The following SRCIN1 variants were observed in gnomAD, a reference collection of about 807,000 sequenced individuals.
The protein encoded by SRCIN1 is P130Cas-associated protein.
A neutral mutation model predicts 116.2 loss-of-function variants in SRCIN1; 50 were observed. That is an observed-to-expected ratio of 0.43 (90% confidence interval 0.34 to 0.54). SRCIN1 has a LOEUF of 0.54. Ranked by LOEUF, SRCIN1 falls within the 20% of genes least tolerant of loss-of-function variation. The pLI is 0.02. For missense variants in SRCIN1, 1,446 were observed against 1,672.0 expected, an observed-to-expected ratio of 0.86 and a Z score of 2.36; for synonymous variants, 736 against 750.0, an observed-to-expected ratio of 0.98 and a Z score of 0.30.
intron 1 of SRCIN1, among the ~76,000 whole-genome samples, chr17:38,588,945 C>T (rs1419234540): frequency 6.6e-6 from 1 of 152,202 alleles, no homozygotes; most frequent in Non-Finnish European, 1.5e-5. Flanking sequence ...GACCTAGTAG[C>T]ACTCAGACAG....
rs559318114 is a variant in SRCIN1 at position 38,585,433 on chromosome 17, G to C, written c.23-6642C>G. Among the ~76,000 whole-genome samples, 1 of 152,334 alleles carries C rather than the reference G, an allele frequency of 6.6e-6. No individual in the cohort carries two copies. Among genetic ancestry groups the C allele is most frequent in the East Asian group, 1.9e-4 (1 of 5,192 alleles). ...GCTGCAGTCGGGAAGCACACGGTGT[G>C]CTTGGAGGTTGGAGGCCAGAGGACA... is the stretch of plus-strand genomic sequence containing the variant. On this transcript the variant is annotated intron_variant, in intron 1 of 18. Transcript: ENST00000617146. The surrounding 1 kb of genome is among the most constrained non-coding windows in gnomAD (Gnocchi z 4.2).
chr17:38,553,230 CT>C (rs1255145188), intron 11 of SRCIN1, among the ~76,000 whole-genome samples: 14 of 152,236 alleles, frequency 9.2e-5, no homozygotes, highest in African/African-American at 3.4e-4. Flanking sequence ...GCACTCTAGC[CT>C]GAGTGACAGA....
rs889935882 is a variant in SRCIN1, at chr17:38,602,050, G to A, written c.22+3634C>T. 3.3e-5 allele frequency among the ~76,000 whole-genome samples: 5 copies of A among 152,218 alleles called. No individual in the cohort carries two copies. The highest frequency in any genetic ancestry group is 1.3e-4 in the Admixed American group (2 of 15,296). The stretch of plus-strand genomic sequence containing the variant: ...GGGCGAAGACTGAGGGCATCCAGGG[G>A]AGTGCTCTGGAGCCCAGGTATCGGG... On this transcript the variant is annotated intron_variant, in intron 1 of 18. Transcript: ENST00000617146. This position sits in a 1 kb window ranked among gnomAD's most constrained non-coding sequence, Gnocchi z 4.2.
chr17:38,594,332 G>A (rs901469965), intron 1 of SRCIN1, among the ~76,000 whole-genome samples: 6 of 152,220 alleles, frequency 3.9e-5, no homozygotes, highest in South Asian at 2.1e-4. Flanking sequence ...ACAAATGAGC[G>A]CTCTGCAGAT....
Position 38,572,188 on chromosome 17 carries a change from A to G in SRCIN1, c.325-3957T>C, listed in dbSNP as rs534800563. On this transcript the variant is annotated intron_variant, in intron 2 of 18. Transcript: ENST00000617146. This position sits in a 1 kb window ranked among gnomAD's most constrained non-coding sequence, Gnocchi z 4.3. ...CTGTGCTGCACCGGTGCACACACCCACCTCTCAACTCCCATGAACACGAGT... is the reference window on the plus strand; with the variant it reads ...CTGTGCTGCACCGGTGCACACACCCGCCTCTCAACTCCCATGAACACGAGT... Among the ~76,000 whole-genome samples the G allele has an allele frequency of 5.3e-5, 8 of 151,794 alleles. No homozygotes were observed. Among genetic ancestry groups the G allele is most frequent in the Non-Finnish European group, 8.8e-5 (6 of 67,880 alleles).
chr17:38,563,224 C>T lies in SRCIN1; in HGVS notation c.740+99G>A. The T allele has an allele frequency of 7.3e-7, 1 of 1,370,426 alleles. No homozygotes were observed. Among genetic ancestry groups the T allele is most frequent in the African/African-American group, 1.5e-5 (1 of 68,688 alleles). The allele number at this position is 1,370,426 out of a possible 1,614,324, so 84.9% of individuals were successfully genotyped here. ...GGGAGGGGAGGGGAAAGGCTGAGGT[C>T]GGGTCAGGAAGGAGCTGGGGAAGGG... On this transcript the variant is annotated intron_variant, in intron 5 of 18. Transcript: ENST00000617146. This position sits in a 1 kb window ranked among gnomAD's most constrained non-coding sequence, Gnocchi z 5.8.
At chr17:38,606,005 C>T (rs1324349452), upstream of SRCIN1, 3 of 133,776 alleles carry the variant, frequency 2.2e-5, no homozygotes, top group Non-Finnish European at 4.8e-5. This position sits in a 1 kb window ranked among gnomAD's most constrained non-coding sequence, Gnocchi z 5.2. Context: ...GCGCGCGCGG[C>T]GCGGGCGCGC....
In SRCIN1 at chr17:38,551,984, G is replaced by A. The variant is rs375568234; in HGVS notation, c.2629C>T (p.Pro877Ser). ...GGGGTAAGAGAGGCTCCTTCAGCTG[G>A]CCCGCTCAGCTCATGCAGGTTCAGC... ...PPLNLHELSG[P>S]AEGASLTPKG... is the part of the protein sequence containing the mutation. The change falls in exon 14 of 19, where the codon CCA (proline) becomes TCA (serine). Residue 877 changes from proline to serine, a missense_variant. Transcript: ENST00000617146. 4.9e-5 allele frequency: 79 copies of A among 1,614,028 alleles called. No individual in the cohort carries two copies. In the African/African-American group the frequency reaches 8.1e-4, roughly 17 times the overall value.
At chr17:38,538,416 CAAAAA>C (rs536827040) in intron 18 of SRCIN1, among the ~76,000 whole-genome samples, 1 of 100,570 alleles carries the variant, frequency 9.9e-6, no homozygotes, top group Non-Finnish European at 2.1e-5. Flanking sequence ...GACTCCGTCT[CAAAAA>C]AAAAAAAAAA....
At chr17:38,571,552 A>G (rs914218309) in intron 2 of SRCIN1, among the ~76,000 whole-genome samples, 1 of 152,150 alleles carries the variant, frequency 6.6e-6, no homozygotes, top group African/African-American at 2.4e-5. Flanking sequence ...ACCTCAAGCC[A>G]AATCTTCCAG....
At chr17:38,583,703 C>A (rs1206317022) in intron 1 of SRCIN1, among the ~76,000 whole-genome samples, 1 of 152,074 alleles carries the variant, frequency 6.6e-6, no homozygotes, top group Admixed American at 6.5e-5. Context: ...CAGGAGCCCA[C>A]AACCATGCCC....
chr17:38,597,929 G>C (rs1451887090), intron 1 of SRCIN1, among the ~76,000 whole-genome samples: 1 of 152,118 alleles, frequency 6.6e-6, no homozygotes, highest in Non-Finnish European at 1.5e-5. Flanking sequence ...GGAGAGAGGT[G>C]GGTCTAGGTT....
chr17:38,579,264 G>A (rs1273798790), intron 1 of SRCIN1, among the ~76,000 whole-genome samples: 3 of 152,196 alleles, frequency 2.0e-5, no homozygotes, highest in Non-Finnish European at 2.9e-5. Context: ...GGTTGGGGGC[G>A]GGGAGCCCTG....
In SRCIN1 at chr17:38,604,438, G is replaced by A. The variant is rs1394271549; in HGVS notation, c.22+1246C>T. 2 of 435,374 alleles carry A rather than the reference G, an allele frequency of 4.6e-6. No homozygotes were observed. The highest frequency in any genetic ancestry group is 2.1e-5 in the African/African-American group (1 of 48,388). The allele number at this position is 435,374 out of a possible 1,614,324, so 27.0% of individuals were successfully genotyped here. ...CCACAACATTTGAGGAGGGGGGCTGGGAAGATCCCCCTCCTTGCATACTTC... is the reference window on the plus strand; with the variant it reads ...CCACAACATTTGAGGAGGGGGGCTGAGAAGATCCCCCTCCTTGCATACTTC... On this transcript the variant is annotated intron_variant, in intron 1 of 18. Coordinates refer to ENST00000617146, the MANE Select transcript of SRCIN1 (RefSeq NM_025248.3). This position sits in a 1 kb window ranked among gnomAD's most constrained non-coding sequence, Gnocchi z 4.3.
chr17:38,570,962 C>T (rs559769126), intron 2 of SRCIN1, among the ~76,000 whole-genome samples: 2 of 152,220 alleles, frequency 1.3e-5, no homozygotes, highest in Non-Finnish European at 2.9e-5. Context: ...ATGAGTGAAT[C>T]CTGCCCCTCC....
chr17:38,554,539 T>C (rs1746902486), intron 11 of SRCIN1, among the ~76,000 whole-genome samples: 1 of 152,150 alleles, frequency 6.6e-6, no homozygotes, highest in South Asian at 2.1e-4. Context: ...GCCCCTCCCC[T>C]TGCGGCTGTT....
At position 38,552,931 on chromosome 17, in the gene SRCIN1, A is replaced by G; in HGVS notation, c.2202-76T>C. 2 of 1,550,196 alleles carry G rather than the reference A, an allele frequency of 1.3e-6. No homozygotes were observed. The highest frequency in any genetic ancestry group is 4.0e-5 in the Admixed American group (2 of 50,224). On this transcript the variant is annotated intron_variant, in intron 11 of 18. Coordinates refer to ENST00000617146, the MANE Select transcript of SRCIN1 (RefSeq NM_025248.3). The surrounding 1 kb of genome is among the most constrained non-coding windows in gnomAD (Gnocchi z 5.3). ...CAGCCCCCTGAAATTGGGCAACTGG[A>G]AAGAAATCAGGCCACCAGTTGGATC...
At chr17:38,586,046 T>A (rs1283845976) in intron 1 of SRCIN1, among the ~76,000 whole-genome samples, 1 of 151,646 alleles carries the variant, frequency 6.6e-6, no homozygotes, top group East Asian at 1.9e-4. Flanking sequence ...AGAGAGGAAG[T>A]GGGAAGGGAG....
At chr17:38,564,361 C>T in intron 3 of SRCIN1, 48 bp from the exon 4 acceptor site, 3 of 1,205,024 alleles carry the variant, frequency 2.5e-6, no homozygotes, top group Admixed American at 2.7e-5. Context: ...AGCACCCCCC[C>T]TCCCCTTTGC....
Sources: allele counts gnomAD v4.1 joint callset (sites outside exome capture counted in the v4.1 genomes callset), GRCh38; gene constraint gnomAD v4.1.1; non-coding constraint Gnocchi (gnomAD v3.1); transcripts MANE v1.5; gene names NCBI Gene and HGNC (gene_info 2026-07-23, HGNC 2026-07-21).